KCNAB2: variants seen among roughly 807,000 people sequenced by gnomAD.
The protein encoded by KCNAB2 is potassium voltage-gated channel subfamily A regulatory beta subunit 2.
KCNAB2 carries 29 observed loss-of-function variants against 63.6 expected under a neutral mutation model. The observed-to-expected ratio is 0.46, with a 90% CI of 0.34 to 0.62. The LOEUF is 0.62. Among genes scored for constraint, KCNAB2 ranks in the 20% least tolerant of loss-of-function variants. The pLI, the probability that KCNAB2 is intolerant of heterozygous loss-of-function variation, is 0.01. For missense variants in KCNAB2, 359 were observed against 563.9 expected, an observed-to-expected ratio of 0.64 and a Z score of 3.68; for synonymous variants, 222 against 224.2, an observed-to-expected ratio of 0.99 and a Z score of 0.09.
Position 6,086,083 on chromosome 1 carries a change from C to G in KCNAB2, c.425+835C>G, listed in dbSNP as rs898362471. 1 of 985,350 alleles carries G rather than the reference C, an allele frequency of 1.0e-6. No homozygotes were observed. The highest frequency in any genetic ancestry group is 1.2e-6 in the Non-Finnish European group (1 of 829,960). The allele number at this position is 985,350 out of a possible 1,614,324, so 61.0% of individuals were successfully genotyped here. The stretch of plus-strand genomic sequence containing the variant: ...CTACATTTTGAGGCTCCCCAGACCC[C>G]TGGACACAGCTTTATCTCAAGGTGC... On this transcript the variant is annotated intron_variant, in intron 6 of 15. Coordinates refer to ENST00000378083, the MANE Select transcript of KCNAB2 (RefSeq NM_001199862.2). The surrounding 1 kb of genome is among the most constrained non-coding windows in gnomAD (Gnocchi z 4.2).
chr1:6,096,860 G>A lies in KCNAB2; in HGVS notation c.1069+104G>A, dbSNP rs1665685243. On this transcript the variant is annotated intron_variant, in intron 14 of 15. Coordinates refer to ENST00000378083, the MANE Select transcript of KCNAB2 (RefSeq NM_001199862.2). The surrounding 1 kb of genome is among the most constrained non-coding windows in gnomAD (Gnocchi z 5.9). The stretch of plus-strand genomic sequence containing the variant: ...GCCATGGGGCCAGTGTCTCCGGGGA[G>A]AGAGGGAAGGGATCCCTGGACATCA... 9 of 1,360,934 alleles carry A rather than the reference G, an allele frequency of 6.6e-6. No homozygotes were observed. The South Asian group carries it at 1.3e-4, about 20-fold the overall frequency. 84.3% of individuals were successfully genotyped at this position (1,360,934 alleles called of 1,614,324 possible).
intron 5 of KCNAB2, among the ~76,000 whole-genome samples, chr1:6,082,660 G>A (rs1013436351): frequency 3.9e-5 from 6 of 152,096 alleles, no homozygotes; most frequent in East Asian, 1.9e-4. Context: ...GGCAGGCTCC[G>A]GCCAAGTGCT....
Position 6,097,580 on chromosome 1 carries a change from G to A in KCNAB2, c.1158+223G>A, listed in dbSNP as rs112842732. On this transcript the variant is annotated intron_variant, in intron 15 of 15. Transcript: ENST00000378083. ...GGTTAGAATGTGTGTCAGGGTGGACGAGCGCTGTAGGAGAGAAGCCAGAGA... is the reference window on the plus strand; with the variant it reads ...GGTTAGAATGTGTGTCAGGGTGGACAAGCGCTGTAGGAGAGAAGCCAGAGA... The A allele has an allele frequency of 6.0e-4, 468 of 774,056 alleles. 1 individual carries two copies. The African/African-American group carries it at 7.1e-3, about 12-fold the overall frequency. 47.9% of individuals were successfully genotyped at this position (774,056 alleles called of 1,614,324 possible).
intron 10 of KCNAB2, among the ~76,000 whole-genome samples, chr1:6,092,396 G>C (rs557243261): frequency 1.5e-3 from 226 of 152,376 alleles, no homozygotes; most frequent in Non-Finnish European, 2.6e-3. Context: ...CATGGAAGGG[G>C]CGCCGCAGGG....
chr1:6,040,218 G>A (rs1660383047), intron 1 of KCNAB2, among the ~76,000 whole-genome samples: 1 of 152,220 alleles, frequency 6.6e-6, no homozygotes, highest in African/African-American at 2.4e-5. Context: ...CAGAACAACA[G>A]TTGGGGTGGT....
intron 9 of KCNAB2, 112 bp downstream of exon 9, chr1:6,090,587 G>A (rs1231757931): frequency 3.6e-5 from 27 of 757,616 alleles, no homozygotes; most frequent in African/African-American, 2.1e-4. Context: ...CGGGTGAGCC[G>A]TGAGAGGAGG....
At position 6,071,903 on chromosome 1, in the gene KCNAB2, C is replaced by T. The variant is rs910167974; in HGVS notation, c.219-852C>T. Among the ~76,000 whole-genome samples, 2 of 151,796 alleles carry T rather than the reference C, an allele frequency of 1.3e-5. No individual in the cohort carries two copies. The highest frequency in any genetic ancestry group is 4.9e-5 in the African/African-American group (2 of 41,160). On this transcript the variant is annotated intron_variant, in intron 2 of 15. Transcript: ENST00000378083. The surrounding 1 kb of genome is among the most constrained non-coding windows in gnomAD (Gnocchi z 8.5). The stretch of plus-strand genomic sequence containing the variant: ...CTGCCGCGTAGGGCTCCTCCTGCCG[C>T]GTAGGGCTCCCGGGAGGATCCGGGG...
chr1:6,042,503 G>A (rs1286762080), upstream of KCNAB2, among the ~76,000 whole-genome samples: 4 of 152,190 alleles, frequency 2.6e-5, no homozygotes, highest in East Asian at 1.9e-4. Flanking sequence ...GGGGAGACCC[G>A]TTCCTCTCTC....
At position 6,099,776 on chromosome 1, in the gene KCNAB2, C is replaced by A; in HGVS notation, c.*1202C>A. On this transcript the variant is annotated 3_prime_UTR_variant, in exon 16 of 16. Transcript: ENST00000378083. ...GGGAACCTCTCCCTGGAAAGACGGGCAGGGCTGGTTAGCCCCTCCCACTGC... is the reference window on the plus strand; with the variant it reads ...GGGAACCTCTCCCTGGAAAGACGGGAAGGGCTGGTTAGCCCCTCCCACTGC... 4 of 1,474,896 alleles carry A rather than the reference C, an allele frequency of 2.7e-6. No homozygotes were observed. Among genetic ancestry groups the A allele is most frequent in the Non-Finnish European group, 3.6e-6 (4 of 1,111,034 alleles). The allele number at this position is 1,474,896 out of a possible 1,614,324, so 91.4% of individuals were successfully genotyped here.
chr1:6,065,831 A>G (rs1005755438), intron 2 of KCNAB2, among the ~76,000 whole-genome samples: 1 of 152,206 alleles, frequency 6.6e-6, no homozygotes, highest in Non-Finnish European at 1.5e-5. Flanking sequence ...CCGCGCTTCC[A>G]GCAGGTCTTC....
rs546671760 is a variant in KCNAB2, at chr1:6,069,842, G to A, written c.219-2913G>A. Reference sequence around the variant, plus strand: ...TTGAGCAGGGTAATTGCGGCATCACGTGGTGCCCTAGTTTTGTTAAATTAG... The same window carrying A: ...TTGAGCAGGGTAATTGCGGCATCACATGGTGCCCTAGTTTTGTTAAATTAG... On this transcript the variant is annotated intron_variant, in intron 2 of 15. Coordinates refer to ENST00000378083, the MANE Select transcript of KCNAB2 (RefSeq NM_001199862.2). The surrounding 1 kb of genome is among the most constrained non-coding windows in gnomAD (Gnocchi z 5.4). 1.3e-5 allele frequency among the ~76,000 whole-genome samples: 2 copies of A among 152,212 alleles called. No homozygotes were observed. The highest frequency in any genetic ancestry group is 2.4e-5 in the African/African-American group (1 of 41,454).
rs540429548 is a variant in KCNAB2, at chr1:6,078,854, C to T, written c.301-3341C>T. Among the ~76,000 whole-genome samples the T allele has an allele frequency of 6.6e-6, 1 of 152,310 alleles. No individual in the cohort carries two copies. The highest frequency in any genetic ancestry group is 1.5e-5 in the Non-Finnish European group (1 of 68,032). On this transcript the variant is annotated intron_variant, in intron 4 of 15. Coordinates refer to ENST00000378083, the MANE Select transcript of KCNAB2 (RefSeq NM_001199862.2). This position sits in a 1 kb window ranked among gnomAD's most constrained non-coding sequence, Gnocchi z 4.2. ...GAGCCTGGGAGGCCGCATTTCTGAT[C>T]TCATGCTGATGCTGGCCCATGGACC...
At chr1:6,050,808 C>A (rs565833351) in intron 1 of KCNAB2, among the ~76,000 whole-genome samples, 1 of 152,260 alleles carries the variant, frequency 6.6e-6, no homozygotes, top group Admixed American at 6.5e-5. Context: ...CTCTCCTCCG[C>A]AACCTGCTTA....
chr1:6,055,392 A>G (rs1293840962), intron 2 of KCNAB2, among the ~76,000 whole-genome samples: 2 of 127,934 alleles, frequency 1.6e-5, no homozygotes, highest in South Asian at 2.5e-4. Flanking sequence ...GTTTCGCTGT[A>G]TCGCCCAGGC....
chr1:6,051,362 G>A lies in KCNAB2; in HGVS notation c.-26-149G>A. On this transcript the variant is annotated intron_variant, in intron 1 of 15. Coordinates refer to ENST00000378083, the MANE Select transcript of KCNAB2 (RefSeq NM_001199862.2). ...ATGCCAAGAGGTGTTTACATCCAGG[G>A]GCCGGGTCCCACTCCTAGACACCAA... 2 of 889,944 alleles carry A rather than the reference G, an allele frequency of 2.2e-6. 1 individual carries two copies. Among genetic ancestry groups the A allele is most frequent in the East Asian group, 5.9e-5 (2 of 33,934 alleles). The allele number at this position is 889,944 out of a possible 1,614,324, so 55.1% of individuals were successfully genotyped here.
chr1:6,033,013 T>A (rs1388570137), upstream of KCNAB2, among the ~76,000 whole-genome samples: 3 of 152,266 alleles, frequency 2.0e-5, no homozygotes, highest in Non-Finnish European at 2.9e-5. Context: ...CTGTAGGAGT[T>A]ATTTTTGGAA....
intron 1 of KCNAB2, among the ~76,000 whole-genome samples, chr1:6,019,989 A>G (rs1658729852): frequency 6.6e-6 from 1 of 152,142 alleles, no homozygotes; most frequent in Admixed American, 6.5e-5. Context: ...CCATGTTGTC[A>G]TTTCAGTTGT....
intron 1 of KCNAB2, among the ~76,000 whole-genome samples, chr1:5,999,150 G>A (rs1235127928): frequency 6.6e-6 from 1 of 152,250 alleles, no homozygotes. Context: ...ACTGCGGGCT[G>A]GGGCTTAGCC....
rs998059030 is a variant in KCNAB2, at chr1:6,003,397, G to A, written c.-53+10609G>A. On this transcript the variant is annotated intron_variant, in intron 1 of 16. Coordinates refer to the KCNAB2 transcript ENST00000341524. The surrounding 1 kb of genome is among the most constrained non-coding windows in gnomAD (Gnocchi z 4.1). ...GTGGAGCAGGGGTTCCTCCCCACTC[G>A]CTCGCTCGGCTGCCTTCAGCCCCTG... Among the ~76,000 whole-genome samples, 3 of 152,122 alleles carry A rather than the reference G, an allele frequency of 2.0e-5. No homozygotes were observed. Among genetic ancestry groups the A allele is most frequent in the Admixed American group, 6.5e-5 (1 of 15,274 alleles).
Sources: allele counts gnomAD v4.1 joint callset (sites outside exome capture counted in the v4.1 genomes callset), GRCh38; gene constraint gnomAD v4.1.1; non-coding constraint Gnocchi (gnomAD v3.1); transcripts MANE v1.5; gene names NCBI Gene and HGNC (gene_info 2026-07-23, HGNC 2026-07-21).